SULT2B1: variants seen among roughly 807,000 people sequenced by gnomAD.
SULT2B1 encodes sulfotransferase 2B1.
SULT2B1 carries 16 observed loss-of-function variants against 33.2 expected under a neutral mutation model. The observed-to-expected ratio is 0.48, with a 90% CI of 0.33 to 0.73. The LOEUF is 0.73. Among genes scored for constraint, SULT2B1 ranks in the 30% least tolerant of loss-of-function variants. The pLI is 0.02. For missense variants in SULT2B1, 500 were observed against 506.0 expected (o/e 0.99, Z 0.11); for synonymous variants, 186 against 200.5 (o/e 0.93, Z 0.61).
At chr19:48,569,302 A>ACT (rs1973285392) in intron 1 of SULT2B1, among the ~76,000 whole-genome samples, 3 of 147,602 alleles carry the variant, frequency 2.0e-5, no homozygotes, top group Non-Finnish European at 3.0e-5. Flanking sequence ...AGATCGCGCC[A>ACT]CTGCACTCCA....
chr19:48,576,354 C>CTTTTTTTTTTTTTTTTTTTTTTTT lies in SULT2B1; in HGVS notation c.214+273_214+274insTTTTTTTTTTTTTTTTTTTTTTTT, dbSNP rs879507532. Among the ~76,000 whole-genome samples, 8 of 79,918 alleles carry CTTTTTTTTTTTTTTTTTTTTTTTT rather than the reference C, an allele frequency of 1.0e-4. 1 individual carries two copies. The highest frequency in any genetic ancestry group is 3.3e-4 in the African/African-American group (6 of 18,246). The allele number at this position is 79,918 out of a possible 152,430, so 52.4% of individuals were successfully genotyped here. On this transcript the variant is annotated intron_variant, in intron 2 of 6. Transcript: ENST00000201586. ...TCCTCCCTTTCCCCTTTACCCTCTACTTCTCTTTTTTTTTTTTTTTTTTGT... is the reference window on the plus strand; with the variant it reads ...TCCTCCCTTTCCCCTTTACCCTCTACTTTTTTTTTTTTTTTTTTTTTTTTTTCTCTTTTTTTTTTTTTTTTTTGT...
intron 1 of SULT2B1, among the ~76,000 whole-genome samples, chr19:48,565,052 G>C (rs761990783): frequency 4.6e-5 from 7 of 151,594 alleles, no homozygotes; most frequent in Non-Finnish European, 1.0e-4. Context: ...GCCTCCCAAA[G>C]TGCTGGGATT....
In SULT2B1 at chr19:48,561,616, C is replaced by T. The variant is rs148230531; in HGVS notation, c.71+9293C>T. Among the ~76,000 whole-genome samples, 250 of 152,166 alleles carry T rather than the reference C, an allele frequency of 1.6e-3. 1 individual carries two copies. The highest frequency in any genetic ancestry group is 5.7e-3 in the African/African-American group (235 of 41,520). On this transcript the variant is annotated intron_variant, in intron 1 of 6. Coordinates refer to ENST00000201586, the MANE Select transcript of SULT2B1 (RefSeq NM_177973.2). ...CGGTTCCACGGTGTAGTGGAGCATG[C>T]GACATTCAGGGAACAAGCCAAACTG... is the stretch of plus-strand genomic sequence containing the variant.
intron 5 of SULT2B1, among the ~76,000 whole-genome samples, chr19:48,593,020 C>T (rs541915717): frequency 1.2e-4 from 18 of 152,226 alleles, no homozygotes; most frequent in South Asian, 2.1e-4. Context: ...AGCAGGCTGG[C>T]GGGGCAGAGG....
intron 2 of SULT2B1, among the ~76,000 whole-genome samples, chr19:48,580,937 T>C (rs1973477871): frequency 2.0e-5 from 3 of 151,342 alleles, no homozygotes; most frequent in African/African-American, 7.3e-5. Flanking sequence ...AGGTGCCTAC[T>C]GGTGTTTCAC....
chr19:48,592,619 A>C (rs550646122), intron 4 of SULT2B1, 103 bp from the exon 5 acceptor site: 11 of 985,624 alleles, frequency 1.1e-5, no homozygotes, highest in African/African-American at 1.6e-5. Flanking sequence ...TGGGGGCTGG[A>C]CCTGGGGGTT....
chr19:48,575,845 G>A, intron 1 of SULT2B1, 96 bp from the exon 2 acceptor site: 1 of 1,534,368 alleles, frequency 6.5e-7, no homozygotes, highest in Admixed American at 2.0e-5. Flanking sequence ...GCTCTGAGGA[G>A]GAAGTTCCTT....
chr19:48,599,087 C>T lies in SULT2B1; in HGVS notation c.827-48C>T. 18 of 1,536,538 alleles carry T rather than the reference C, an allele frequency of 1.2e-5. No homozygotes were observed. Among genetic ancestry groups the T allele is most frequent in the Non-Finnish European group, 1.5e-5 (17 of 1,146,580 alleles). ...TGCTGGAATGTTGGAGGTAGGGGCG[C>T]AGTGCTCCCCAGAGGCTCCTCACCC... On this transcript the variant is annotated intron_variant, in intron 6 of 6. Coordinates refer to ENST00000201586, the MANE Select transcript of SULT2B1 (RefSeq NM_177973.2). This position sits in a 1 kb window ranked among gnomAD's most constrained non-coding sequence, Gnocchi z 4.1.
At chr19:48,596,469 CCCCT>C (rs1280423825) in intron 5 of SULT2B1, 13 of 243,492 alleles carry the variant, frequency 5.3e-5, no homozygotes, top group African/African-American at 1.8e-4. Context: ...TGACCTCTGC[CCCCT>C]GCTGTGACCT....
intron 1 of SULT2B1, among the ~76,000 whole-genome samples, chr19:48,558,150 CT>C (rs928145129): frequency 6.6e-6 from 1 of 152,092 alleles, no homozygotes; most frequent in African/African-American, 2.4e-5. Flanking sequence ...CTATCATCCC[CT>C]GTAAGAGGTG....
At chr19:48,558,583 G>T (rs1198857458) in intron 1 of SULT2B1, among the ~76,000 whole-genome samples, 1 of 151,992 alleles carries the variant, frequency 6.6e-6, no homozygotes, top group African/African-American at 2.4e-5. Context: ...TACAACCCCG[G>T]CCCCACCTTC....
intron 3 of SULT2B1, among the ~76,000 whole-genome samples, chr19:48,589,987 T>C (rs946350205): frequency 9.9e-5 from 15 of 152,114 alleles, no homozygotes; most frequent in African/African-American, 3.6e-4. Flanking sequence ...TCTTTCTTTT[T>C]TCTTTTTTTG....
intron 1 of SULT2B1, among the ~76,000 whole-genome samples, chr19:48,557,108 C>T (rs1231849435): frequency 6.6e-6 from 1 of 151,878 alleles, no homozygotes; most frequent in African/African-American, 2.4e-5. Context: ...AAAAACCAAA[C>T]AAGGAATTGA....
chr19:48,575,892 C>A, intron 1 of SULT2B1, 49 bp from the exon 2 acceptor site: 1 of 1,581,574 alleles, frequency 6.3e-7, no homozygotes, highest in South Asian at 1.1e-5. Context: ...AGAACTCCAG[C>A]ACCCACCTCC....
At chr19:48,577,894 T>C (rs756882123) in intron 2 of SULT2B1, among the ~76,000 whole-genome samples, 1 of 152,106 alleles carries the variant, frequency 6.6e-6, no homozygotes, top group Non-Finnish European at 1.5e-5. Context: ...TATGACACTA[T>C]GATTGGTGGC....
intron 3 of SULT2B1, 77 bp downstream of exon 3, chr19:48,587,514 A>C: frequency 6.7e-7 from 1 of 1,502,092 alleles, no homozygotes; most frequent in Non-Finnish European, 9.2e-7. Context: ...AGCATAACTC[A>C]TTGATTCATT....
chr19:48,594,930 G>A (rs1425479197), intron 5 of SULT2B1, among the ~76,000 whole-genome samples: 1 of 152,060 alleles, frequency 6.6e-6, no homozygotes, highest in Admixed American at 6.6e-5. Flanking sequence ...GCTGAGGCAG[G>A]AGAATCACTG....
chr19:48,584,156 C>T (rs1363174282), intron 2 of SULT2B1, among the ~76,000 whole-genome samples: 2 of 152,138 alleles, frequency 1.3e-5, no homozygotes, highest in East Asian at 3.9e-4. Context: ...AAATAGGGTG[C>T]AGCCACTTCC....
chr19:48,569,248 A>G (rs1183745948), intron 1 of SULT2B1, among the ~76,000 whole-genome samples: 2 of 151,362 alleles, frequency 1.3e-5, no homozygotes, highest in African/African-American at 2.4e-5. Flanking sequence ...AGGCTGAGGC[A>G]GCAGAATGGC....
Sources: gnomAD v4.1 joint callset for allele counts (sites outside exome capture counted in the v4.1 genomes callset) on GRCh38, gnomAD v4.1.1 for gene constraint, Gnocchi (gnomAD v3.1) non-coding constraint, MANE v1.5 for transcripts, NCBI Gene and HGNC (gene_info 2026-07-23, HGNC 2026-07-21) for gene names.